Variants in CSMD2 observed in about 807,000 individuals in gnomAD.
The protein encoded by CSMD2 is CUB and Sushi multiple domains 2.
Under a neutral mutation model 398.5 loss-of-function variants are expected in CSMD2, and 130 were observed. That is an observed-to-expected ratio of 0.33 (90% CI 0.28 to 0.38). The LOEUF (loss-of-function observed/expected upper bound fraction) is 0.38. Ranked by LOEUF, CSMD2 falls within the 10% of genes least tolerant of loss-of-function variation. The pLI is 1.00. For missense variants in CSMD2, 3,829 were observed against 4,764.9 expected (o/e 0.80, Z 5.78); for synonymous variants, 1,828 against 1,908.5 (o/e 0.96, Z 1.10).
intron 64 of CSMD2, among the ~76,000 whole-genome samples, chr1:33,527,745 T>C (rs1248070280): frequency 6.6e-6 from 1 of 152,122 alleles, no homozygotes; most frequent in Middle Eastern, 3.2e-3. Flanking sequence ...AAGGAGAGGC[T>C]ACATTTCAGT....
intron 3 of CSMD2, among the ~76,000 whole-genome samples, chr1:34,026,733 G>A (rs1489987287): frequency 6.6e-6 from 1 of 152,260 alleles, no homozygotes; most frequent in Non-Finnish European, 1.5e-5. Context: ...GGAGTTGTGT[G>A]TGGGGAAGGT....
chr1:33,544,273 A>ATT (rs34986232), intron 57 of CSMD2, among the ~76,000 whole-genome samples: 1,590 of 136,920 alleles, frequency 0.012, 29 homozygotes, highest in African/African-American at 0.034. Flanking sequence ...CGACCGGCTA[A>ATT]TTTTTTTTTT....
intron 37 of CSMD2, among the ~76,000 whole-genome samples, chr1:33,618,457 G>A (rs1052482371): frequency 2.0e-5 from 3 of 152,118 alleles, no homozygotes; most frequent in African/African-American, 7.2e-5. Context: ...TCATCCTGAT[G>A]TTCTAAGGAC....
rs140684970 is a variant in CSMD2 at position 34,140,693 on chromosome 1, CA to C, written c.187+24217del. Among the ~76,000 whole-genome samples the C allele has an allele frequency of 8.0e-3, 1,224 of 152,276 alleles. 7 individuals are homozygous for C. Among genetic ancestry groups the C allele is most frequent in the Middle Eastern group, 0.034 (10 of 294 alleles). On this transcript the variant is annotated intron_variant, in intron 1 of 70. Coordinates refer to ENST00000373381, the MANE Select transcript of CSMD2 (RefSeq NM_001281956.2). The stretch of plus-strand genomic sequence containing the variant: ...CTATGCCCCTTACACAGGCTAGTAC[CA>C]AGCAGGGACAGGATTTAAGCCTGGG...
intron 3 of CSMD2, among the ~76,000 whole-genome samples, chr1:33,984,023 G>T (rs763074373): frequency 6.6e-6 from 1 of 152,120 alleles, no homozygotes; most frequent in Non-Finnish European, 1.5e-5. Context: ...GCGTGGTGGC[G>T]CATGCCTGTA....
At chr1:33,913,429 T>C (rs1643565422) in intron 5 of CSMD2, among the ~76,000 whole-genome samples, 1 of 152,158 alleles carries the variant, frequency 6.6e-6, no homozygotes, top group South Asian at 2.1e-4. Context: ...CCACCAAAAA[T>C]AGGGCCAACG....
intron 10 of CSMD2, 103 bp downstream of exon 10, chr1:33,810,640 G>C: frequency 1.7e-6 from 2 of 1,151,736 alleles, no homozygotes; most frequent in East Asian, 5.1e-5. Context: ...TGTCTGCAGA[G>C]AATCTACCAT....
intron 24 of CSMD2, 93 bp downstream of exon 24, chr1:33,698,660 C>T: frequency 2.4e-6 from 3 of 1,257,482 alleles, no homozygotes; most frequent in Non-Finnish European, 3.3e-6. Context: ...CCCCCAGGCC[C>T]TGGAGCATGG....
Position 33,537,337 on chromosome 1 carries a change from G to C in CSMD2, c.9805+99C>G. ...ATGAGATGTTCCCTTTTGCAGATGA[G>C]ACCACTGAAGACAGGGAAGGAAAGT... On this transcript the variant is annotated intron_variant, in intron 61 of 70. Transcript: ENST00000373381. The surrounding 1 kb of genome is among the most constrained non-coding windows in gnomAD (Gnocchi z 4.6). 1 of 1,325,288 alleles carries C rather than the reference G, an allele frequency of 7.5e-7. No homozygotes were observed. Among genetic ancestry groups the C allele is most frequent in the South Asian group, 1.4e-5 (1 of 73,448 alleles). 82.1% of individuals were successfully genotyped at this position (1,325,288 alleles called of 1,614,324 possible).
At chr1:33,708,210 C>T (rs1645867344) in intron 22 of CSMD2, among the ~76,000 whole-genome samples, 1 of 152,136 alleles carries the variant, frequency 6.6e-6, no homozygotes, top group South Asian at 2.1e-4. Context: ...AATCCAAGTC[C>T]TATCATTTCC....
At position 33,663,982 on chromosome 1, in the gene CSMD2, T is replaced by C. The variant is rs558064067; in HGVS notation, c.4053-890A>G. On this transcript the variant is annotated intron_variant, in intron 25 of 70. Coordinates refer to ENST00000373381, the MANE Select transcript of CSMD2 (RefSeq NM_001281956.2). ...AAGAAAGCAATGTTGGCATACTTACTATGAACTACACTCCAGACTTTATTT... is the reference window on the plus strand; with the variant it reads ...AAGAAAGCAATGTTGGCATACTTACCATGAACTACACTCCAGACTTTATTT... Among the ~76,000 whole-genome samples the C allele has an allele frequency of 4.6e-5, 7 of 152,344 alleles. No individual in the cohort carries two copies. The East Asian group carries it at 1.3e-3, about 29-fold the overall frequency.
chr1:33,915,360 TC>T (rs1413935158), intron 5 of CSMD2, among the ~76,000 whole-genome samples: 2 of 152,214 alleles, frequency 1.3e-5, no homozygotes, highest in Admixed American at 6.5e-5. Context: ...CACACATACG[TC>T]CTGAGTCTCC....
At chr1:34,158,135 A>G (rs1640972977) in intron 1 of CSMD2, among the ~76,000 whole-genome samples, 1 of 152,154 alleles carries the variant, frequency 6.6e-6, no homozygotes, top group East Asian at 1.9e-4. Context: ...CTCTTAACTT[A>G]CAAGAGTAAG....
chr1:33,861,899 AT>A (rs1248127465), intron 5 of CSMD2, among the ~76,000 whole-genome samples: 2 of 151,780 alleles, frequency 1.3e-5, no homozygotes, highest in African/African-American at 4.8e-5. Flanking sequence ...TGGGGTGGGG[AT>A]CCAGGAGAAT....
In CSMD2 at chr1:33,524,992, T is replaced by C; in HGVS notation, c.10286A>G (p.Tyr3429Cys). 6.2e-7 allele frequency: 1 copy of C among 1,614,242 alleles called. No homozygotes were observed. Among genetic ancestry groups the C allele is most frequent in the Non-Finnish European group, 8.5e-7 (1 of 1,180,026 alleles). ...KNSLWKGAYE[Y>C]QGKKQPAMLR... Reference sequence around the variant, plus strand: ...CATGGCTGGCTGCTTCTTCCCCTGGTATTCATAGGCCCCTTTCCACAGGGA... The same window carrying C: ...CATGGCTGGCTGCTTCTTCCCCTGGCATTCATAGGCCCCTTTCCACAGGGA... Residue 3429 changes from tyrosine to cysteine, a missense_variant, in exon 66 of 71, where the codon TAC becomes TGC. Tyr to Cys is a radical substitution (Grantham distance 194). Coordinates refer to ENST00000373381, the MANE Select transcript of CSMD2 (RefSeq NM_001281956.2).
intron 9 of CSMD2, among the ~76,000 whole-genome samples, chr1:33,814,880 C>T (rs1657277454): frequency 6.6e-6 from 1 of 152,124 alleles, no homozygotes; most frequent in African/African-American, 2.4e-5. Context: ...CTGGCTCCCA[C>T]ATTTCATCCC....
At chr1:33,746,151 G>A (rs1044087630) in intron 13 of CSMD2, among the ~76,000 whole-genome samples, 3 of 152,138 alleles carry the variant, frequency 2.0e-5, no homozygotes, top group Admixed American at 6.5e-5. Flanking sequence ...TTCATCTGTC[G>A]ACTTGAAATA....
At chr1:33,970,544 C>T (rs181421396) in intron 3 of CSMD2, among the ~76,000 whole-genome samples, 2 of 152,130 alleles carry the variant, frequency 1.3e-5, no homozygotes, top group African/African-American at 4.8e-5. Context: ...CACATTCCTG[C>T]CCCCCACCCT....
chr1:33,562,624 A>G (rs1200678949), intron 53 of CSMD2, among the ~76,000 whole-genome samples: 1 of 152,210 alleles, frequency 6.6e-6, no homozygotes, highest in East Asian at 1.9e-4. Context: ...TTAGGCCGTG[A>G]TACCTAGACA....
Sources: allele counts gnomAD v4.1 joint callset (sites outside exome capture counted in the v4.1 genomes callset), GRCh38; gene constraint gnomAD v4.1.1; non-coding constraint Gnocchi (gnomAD v3.1); transcripts MANE v1.5; gene names NCBI Gene and HGNC (gene_info 2026-07-23, HGNC 2026-07-21).